The following PKHD1L1 variants were observed in gnomAD, a reference collection of about 807,000 sequenced individuals.
PKHD1L1 encodes fibrocystin-L.
PKHD1L1 carries 434 observed loss-of-function variants against 462.9 expected under a neutral mutation model. That is an observed-to-expected ratio of 0.94 (90% CI 0.87 to 1.02). The LOEUF (loss-of-function observed/expected upper bound fraction) is 1.02. PKHD1L1 is among the 50% of genes least tolerant of loss of function. The pLI is 0.00. For missense variants in PKHD1L1, 5,202 were observed against 5,096.1 expected (o/e 1.02, Z -0.63); for synonymous variants, 1,781 against 1,750.0 (o/e 1.02, Z -0.44).
At chr8:109,365,365 TA>T (rs2130293821) in intron 2 of PKHD1L1, among the ~76,000 whole-genome samples, 1 of 152,300 alleles carries the variant, frequency 6.6e-6, no homozygotes, top group South Asian at 2.1e-4. Flanking sequence ...TTTTCATAGC[TA>T]ACAAAGATAT....
chr8:109,401,549 C>G lies in PKHD1L1; in HGVS notation c.1334C>G (p.Thr445Arg), dbSNP rs1444023524. The change falls in exon 14 of 78, where the codon ACA becomes AGA. Residue 445 changes from threonine to arginine, a missense_variant. By Grantham distance (71) the Thr-to-Arg change is moderately conservative. Coordinates refer to ENST00000378402, the MANE Select transcript of PKHD1L1 (RefSeq NM_177531.6). ...GCCAACAGTTATTTTTCCAGTCCAACACAAAGATCAGATGATATTCATCTG... is the reference window on the plus strand; with the variant it reads ...GCCAACAGTTATTTTTCCAGTCCAAGACAAAGATCAGATGATATTCATCTG... ...ANANSYFSSPTQRSDDIHLQK... is the reference protein window; with the variant it reads ...ANANSYFSSPRQRSDDIHLQK... 6.3e-7 allele frequency: 1 copy of G among 1,593,532 alleles called. No homozygotes were observed. Among genetic ancestry groups the G allele is most frequent in the Admixed American group, 1.7e-5 (1 of 59,582 alleles).
chr8:109,412,220 G>A, intron 19 of PKHD1L1, 45 bp from the exon 20 acceptor site: 1 of 1,603,354 alleles, frequency 6.2e-7, no homozygotes, highest in Non-Finnish European at 8.5e-7. Flanking sequence ...GGGAAAACCA[G>A]AACAATAAAT....
chr8:109,372,158 T>C (rs927049928), intron 2 of PKHD1L1, among the ~76,000 whole-genome samples: 1 of 152,228 alleles, frequency 6.6e-6, no homozygotes, highest in African/African-American at 2.4e-5. Context: ...CTTCCATTTG[T>C]TTGTATCCTC....
At chr8:109,515,083 A>T in intron 71 of PKHD1L1, 87 bp from the exon 72 acceptor site, 1 of 1,069,260 alleles carries the variant, frequency 9.4e-7, no homozygotes, top group Non-Finnish European at 1.3e-6. Context: ...AGTTTGCAGA[A>T]AGTATACAAT....
chr8:109,470,520 G>T, intron 50 of PKHD1L1: 3 of 1,610,916 alleles, frequency 1.9e-6, no homozygotes, highest in Non-Finnish European at 2.5e-6. Context: ...AAAGGGAAAA[G>T]AAGCAGGGAT....
At position 109,389,159 on chromosome 8, in the gene PKHD1L1, G is replaced by A. The variant is rs779804213; in HGVS notation, c.697+7G>A. On this transcript the variant is annotated splice_region_variant and intron_variant, in intron 8 of 77. Coordinates refer to ENST00000378402, the MANE Select transcript of PKHD1L1 (RefSeq NM_177531.6). The stretch of plus-strand genomic sequence containing the variant: ...ACGACTGGAACTTTTATTGGCAAGT[G>A]TTGGTCATCTTTCTTCATAATGCTC... 6.2e-7 allele frequency: 1 copy of A among 1,600,002 alleles called. No homozygotes were observed. The highest frequency in any genetic ancestry group is 1.1e-5 in the South Asian group (1 of 90,378).
chr8:109,368,653 A>C (rs764239207), intron 2 of PKHD1L1, among the ~76,000 whole-genome samples: 2 of 152,166 alleles, frequency 1.3e-5, no homozygotes, highest in Non-Finnish European at 2.9e-5. Context: ...ATACACTTTC[A>C]ACAGTGCTTT....
intron 14 of PKHD1L1, 58 bp downstream of exon 14, chr8:109,401,646 A>G: frequency 1.2e-6 from 1 of 817,250 alleles, no homozygotes; most frequent in Non-Finnish European, 1.9e-6. Flanking sequence ...TTAAGTTTAT[A>G]TTTTAAAATA....
chr8:109,469,661 C>G (rs940372624), intron 50 of PKHD1L1, among the ~76,000 whole-genome samples: 2 of 151,948 alleles, frequency 1.3e-5, no homozygotes, highest in African/African-American at 4.8e-5. Flanking sequence ...AGGTTTTTTT[C>G]CCCTGTGAAT....
chr8:109,390,490 G>A lies in PKHD1L1; in HGVS notation c.736G>A (p.Gly246Arg). The A allele has an allele frequency of 6.9e-7, 1 of 1,443,604 alleles. No homozygotes were observed. Among genetic ancestry groups the A allele is most frequent in the Non-Finnish European group, 9.3e-7 (1 of 1,070,150 alleles). 89.4% of individuals were successfully genotyped at this position (1,443,604 alleles called of 1,614,324 possible). A position where few individuals can be genotyped will look rare whatever the true frequency, so the allele number is the denominator to read the frequency against. ...NVSFILDNDY[G>R]RSFPQKMAYF... The stretch of plus-strand genomic sequence containing the variant: ...CAGCTTCATCTTAGATAATGATTAT[G>A]GAAGGTAGGCTATTTTGTAAATAAT... The change falls in exon 9 of 78, where the codon GGA (glycine) becomes AGA (arginine). Residue 246 changes from glycine to arginine, a missense_variant. Physicochemically the swap from Gly to Arg is moderately radical, Grantham distance 125. This residue lies in a region of PKHD1L1 where 4,497 missense variants were observed against 4,336.8 expected (regional missense o/e 1.04). Transcript: ENST00000378402.
rs749219160 is a variant in PKHD1L1 at position 109,451,045 on chromosome 8, G to A, written c.6246G>A (p.Pro2082=). ...NGKDLSQSMT[P]FTYAVSLTPL... ...AAGATTTGTCACAGTCCATGACTCCGTTTACGTACGCAGTGTCACTGACTC... is the reference window on the plus strand; with the variant it reads ...AAGATTTGTCACAGTCCATGACTCCATTTACGTACGCAGTGTCACTGACTC... Residue 2082 remains proline, a synonymous_variant, in exon 41 of 78, where the codon CCG becomes CCA. Coordinates refer to ENST00000378402, the MANE Select transcript of PKHD1L1 (RefSeq NM_177531.6). The A allele has an allele frequency of 6.2e-6, 10 of 1,613,710 alleles. No homozygotes were observed. The highest frequency in any genetic ancestry group is 3.3e-5 in the Admixed American group (2 of 59,976).
rs1335949941 is a variant in PKHD1L1 at position 109,388,497 on chromosome 8, A to G, written c.570A>G (p.Arg190=). The G allele has an allele frequency of 1.3e-6, 2 of 1,504,746 alleles. No homozygotes were observed. Among genetic ancestry groups the G allele is most frequent in the African/African-American group, 2.8e-5 (2 of 71,812 alleles). The allele number at this position is 1,504,746 out of a possible 1,614,324, so 93.2% of individuals were successfully genotyped here. ...SSNGKNVRIL[R]VYIGGMPCEL... ...TTTTCTAATAAAAATATTTGTACAG[A>G]GTTTACATTGGAGGAATGCCCTGTG... The change falls in exon 7 of 78, where the codon AGA becomes AGG. Residue 190 remains arginine (R), a splice_region_variant and synonymous_variant. Coordinates refer to ENST00000378402, the MANE Select transcript of PKHD1L1 (RefSeq NM_177531.6).
At chr8:109,410,190 A>C (rs1487991581) in intron 19 of PKHD1L1, among the ~76,000 whole-genome samples, 4 of 152,070 alleles carry the variant, frequency 2.6e-5, no homozygotes, top group African/African-American at 9.7e-5. Context: ...AATTTTTACT[A>C]CTCATGAATT....
In PKHD1L1 at chr8:109,525,506, G is replaced by A. The variant is rs759078252; in HGVS notation, c.12485-1278G>A. 6.6e-5 allele frequency among the ~76,000 whole-genome samples: 10 copies of A among 152,264 alleles called. No homozygotes were observed. The East Asian group carries it at 1.7e-3, about 26-fold the overall frequency. On this transcript the variant is annotated intron_variant, in intron 76 of 77. Coordinates refer to ENST00000378402, the MANE Select transcript of PKHD1L1 (RefSeq NM_177531.6). ...AGCTCACCACTGCTCCAATGTCTGC[G>A]GCTTCAGCTGGGAATTTCTATTAGC...
intron 54 of PKHD1L1, 106 bp downstream of exon 54, chr8:109,479,745 G>C (rs1309198808): frequency 1.1e-6 from 1 of 877,052 alleles, no homozygotes; most frequent in Non-Finnish European, 1.7e-6. Flanking sequence ...AAAAGAGCAA[G>C]TGTGGAGAAG....
chr8:109,493,646 T>A lies in PKHD1L1; in HGVS notation c.10237-15T>A, dbSNP rs1563607008. The A allele has an allele frequency of 2.0e-6, 3 of 1,532,714 alleles. No homozygotes were observed. The allele number at this position is 1,532,714 out of a possible 1,614,324, so 94.9% of individuals were successfully genotyped here. On this transcript the variant is annotated splice_polypyrimidine_tract_variant and intron_variant, in intron 62 of 77. Coordinates refer to ENST00000378402, the MANE Select transcript of PKHD1L1 (RefSeq NM_177531.6). The stretch of plus-strand genomic sequence containing the variant: ...TAGCCTGATGCACAGTATTTTTTTT[T>A]AATCATTGCACTAGATAAATAGAGG...
chr8:109,487,880 G>GAA (rs1194886042), intron 59 of PKHD1L1, among the ~76,000 whole-genome samples: 2 of 141,556 alleles, frequency 1.4e-5, no homozygotes, highest in East Asian at 4.2e-4. Flanking sequence ...GAGAGAAAGA[G>GAA]AGAGAGAGAG....
intron 71 of PKHD1L1, among the ~76,000 whole-genome samples, chr8:109,511,683 G>A (rs1266612512): frequency 6.6e-6 from 1 of 152,072 alleles, no homozygotes; most frequent in Non-Finnish European, 1.5e-5. Flanking sequence ...ATAGAAGCAT[G>A]ATTTATAGTC....
intron 6 of PKHD1L1, among the ~76,000 whole-genome samples, chr8:109,386,144 T>C (rs1276558237): frequency 6.6e-6 from 1 of 152,210 alleles, no homozygotes; most frequent in Admixed American, 6.5e-5. Context: ...CTTTGAATCC[T>C]GTTTTGTCCA....
Sources: allele counts gnomAD v4.1 joint callset (sites outside exome capture counted in the v4.1 genomes callset), GRCh38; gene constraint gnomAD v4.1.1; regional missense constraint gnomAD v4.1.1; transcripts MANE v1.5; gene names NCBI Gene and HGNC (gene_info 2026-07-23, HGNC 2026-07-21).